Variants in ROCK2 observed in about 807,000 individuals in gnomAD.
The protein encoded by ROCK2 is rho-associated protein kinase 2.
ROCK2 carries 61 observed loss-of-function variants against 195.1 expected under a neutral mutation model. The ratio of observed to expected loss-of-function variants is 0.31; its 90% confidence interval spans 0.25 to 0.39. The LOEUF (loss-of-function observed/expected upper bound fraction) is 0.39. ROCK2 is among the 10% of genes least tolerant of loss of function. The probability of loss-of-function intolerance (pLI) is 1.00; values close to 1 mark genes in which losing one functional copy is unlikely to be tolerated. For missense variants in ROCK2, 1,109 were observed against 1,637.4 expected (o/e 0.68, Z 5.57); for synonymous variants, 504 against 545.5 (o/e 0.92, Z 1.06).
intron 6 of ROCK2, among the ~76,000 whole-genome samples, chr2:11,225,634 C>T (rs1397059632): frequency 6.6e-6 from 1 of 152,070 alleles, no homozygotes. Flanking sequence ...GCCTGGCAGT[C>T]GTGAGAATTT....
Position 11,192,701 on chromosome 2 carries a change from G to A in ROCK2, c.3699C>T (p.Ala1233=). The A allele has an allele frequency of 6.2e-7, 1 of 1,611,684 alleles. No homozygotes were observed. Among genetic ancestry groups the A allele is most frequent in the Non-Finnish European group, 8.5e-7 (1 of 1,179,146 alleles). Residue 1233 remains alanine (A), a synonymous_variant, in exon 31 of 33, where the codon GCC becomes GCT. Transcript: ENST00000315872. This position sits in a 1 kb window ranked among gnomAD's most constrained non-coding sequence, Gnocchi z 5.0. ...EIPRIFQILY[A]NEGESKKEQE... ...GTTCCTTCTTACTTTCTCCTTCATT[G>A]GCATACAGAATCTATGAATGCCAAA...
At chr2:11,315,271 C>A (rs1299251503) in intron 1 of ROCK2, among the ~76,000 whole-genome samples, 3 of 151,974 alleles carry the variant, frequency 2.0e-5, no homozygotes, top group African/African-American at 4.8e-5. Context: ...TGTCCAACAA[C>A]AAGGAATGGT....
In ROCK2 at chr2:11,211,771, C is replaced by T; in HGVS notation, c.2113G>A (p.Glu705Lys). The change falls in exon 18 of 33, where the codon GAA (glutamate) becomes AAA (lysine). Residue 705 changes from glutamate to lysine, a missense_variant. By Grantham distance (56) the Glu-to-Lys change is moderately conservative. Coordinates refer to ENST00000315872, the MANE Select transcript of ROCK2 (RefSeq NM_004850.5). ...KVIQQSLEQE[E>K]AEHKATKARL... ...GCCTTTGTGGCCTTATGTTCAGCTT[C>T]TTCTTGTTCTAGGCTCTGCTGTATA... The T allele has an allele frequency of 2.5e-6, 4 of 1,613,616 alleles. No individual in the cohort carries two copies. The highest frequency in any genetic ancestry group is 3.4e-6 in the Non-Finnish European group (4 of 1,179,770).
intron 3 of ROCK2, among the ~76,000 whole-genome samples, chr2:11,271,949 G>A (rs1303157825): frequency 6.6e-6 from 1 of 151,846 alleles, no homozygotes; most frequent in Non-Finnish European, 1.5e-5. Flanking sequence ...GAACCCGACA[G>A]GCGGAGCTTG....
intron 1 of ROCK2, among the ~76,000 whole-genome samples, chr2:11,317,576 T>TTATATATCTATATATATA (rs1668237737): frequency 3.7e-4 from 11 of 29,578 alleles, no homozygotes; most frequent in African/African-American, 1.4e-3. Flanking sequence ...ATCTACACAT[T>TTATATATCTATATATATA]TATATATATA....
intron 6 of ROCK2, 152 bp from the exon 7 acceptor site, chr2:11,224,612 A>C: frequency 1.5e-6 from 1 of 648,240 alleles, no homozygotes; most frequent in South Asian, 1.9e-5. Flanking sequence ...AACAACAGAC[A>C]TATTGTTATA....
In ROCK2 at chr2:11,202,103, A is replaced by G; in HGVS notation, c.2568T>C (p.Asp856=). 1 of 1,613,736 alleles carries G rather than the reference A, an allele frequency of 6.2e-7. No individual in the cohort carries two copies. Among genetic ancestry groups the G allele is most frequent in the Middle Eastern group, 1.7e-4 (1 of 6,060 alleles). The change falls in exon 21 of 33, where the codon GAT becomes GAC. Residue 856 remains aspartate (D), a synonymous_variant. Coordinates refer to ENST00000315872, the MANE Select transcript of ROCK2 (RefSeq NM_004850.5). ...GATCCTGGAGCTCTTTCATTTGCCC[A>G]TCTGCATCCTGACGTTCTCTGTGAG... ...AELRKERQDA[D]GQMKELQDQL...
chr2:11,328,832 C>CCA (rs1316509760), intron 1 of ROCK2, among the ~76,000 whole-genome samples: 1 of 151,320 alleles, frequency 6.6e-6, no homozygotes, highest in Admixed American at 6.6e-5. Context: ...AAACCAAACA[C>CCA]CACATGTTCT....
At chr2:11,291,196 TTGTC>T (rs1191927363) in intron 1 of ROCK2, among the ~76,000 whole-genome samples, 2 of 152,256 alleles carry the variant, frequency 1.3e-5, no homozygotes, top group Non-Finnish European at 2.9e-5. Flanking sequence ...TATACTTCAG[TTGTC>T]AAGAAATGAA....
intron 1 of ROCK2, among the ~76,000 whole-genome samples, chr2:11,295,975 AGAGAGAGAGAGAGAG>A (rs1558369483): frequency 5.6e-5 from 4 of 71,898 alleles, no homozygotes; most frequent in Non-Finnish European, 1.3e-4. Context: ...AAAGAGAGAG[AGAGAGAGAGAGAGAG>A]GAGAGAGAGA....
At position 11,344,236 on chromosome 2, in the gene ROCK2, AC is replaced by A; in HGVS notation, c.-101del. The A allele has an allele frequency of 7.7e-7, 1 of 1,300,034 alleles. No homozygotes were observed. Among genetic ancestry groups the A allele is most frequent in the Non-Finnish European group, 9.7e-7 (1 of 1,027,740 alleles). 80.5% of individuals were successfully genotyped at this position (1,300,034 alleles called of 1,614,324 possible). A position where few individuals can be genotyped will look rare whatever the true frequency, so the allele number is the denominator to read the frequency against. On this transcript the variant is annotated 5_prime_UTR_variant, in exon 1 of 33. Transcript: ENST00000315872. This position sits in a 1 kb window ranked among gnomAD's most constrained non-coding sequence, Gnocchi z 5.4. ...AACCACCAGCTCCGGCCGGGACTCC[AC>A]CCGGGCCCACCGCCTGCCTCTAGCT...
intron 3 of ROCK2, among the ~76,000 whole-genome samples, chr2:11,263,837 C>T (rs2148151339): frequency 6.6e-6 from 1 of 150,682 alleles, no homozygotes; most frequent in South Asian, 2.1e-4. Context: ...GGAAAAAGAT[C>T]CATTGAATAT....
intron 4 of ROCK2, among the ~76,000 whole-genome samples, chr2:11,236,470 T>C (rs144134031): frequency 4.0e-4 from 61 of 152,188 alleles, no homozygotes; most frequent in Non-Finnish European, 7.6e-4. Flanking sequence ...GGTAGCCATA[T>C]TTGGAAGACG....
At chr2:11,230,546 AG>A (rs1178169778) in intron 5 of ROCK2, among the ~76,000 whole-genome samples, 2 of 152,168 alleles carry the variant, frequency 1.3e-5, no homozygotes, top group Non-Finnish European at 2.9e-5. Context: ...AAAAGCAGGC[AG>A]GGGGTCGTAT....
intron 5 of ROCK2, among the ~76,000 whole-genome samples, chr2:11,233,506 G>A (rs977735372): frequency 3.3e-5 from 5 of 152,082 alleles, no homozygotes; most frequent in African/African-American, 1.2e-4. Flanking sequence ...TATATTTAGA[G>A]AACCCCCTGT....
At chr2:11,317,608 ATATATTT>A (rs1372715318) in intron 1 of ROCK2, among the ~76,000 whole-genome samples, 6 of 15,944 alleles carry the variant, frequency 3.8e-4, no homozygotes, top group African/African-American at 7.8e-4. Context: ...ATATATATAT[ATATATTT>A]TTTTTTTTTT....
At chr2:11,236,032 T>TA (rs1426466140) in intron 4 of ROCK2, 70 bp from the exon 5 acceptor site, 1 of 1,331,388 alleles carries the variant, frequency 7.5e-7, no homozygotes, top group Admixed American at 2.7e-5. Flanking sequence ...AACAAAAATT[T>TA]AAAAAACTAT....
At position 11,215,043 on chromosome 2, in the gene ROCK2, G is replaced by A. The variant is rs1415434255; in HGVS notation, c.1733C>T (p.Ala578Val). Residue 578 changes from alanine (A) to valine (V), a missense_variant, in exon 16 of 33, where the codon GCA (alanine) becomes GTA (valine). By Grantham distance (64) the Ala-to-Val change is moderately conservative. This residue lies in a region of ROCK2 where 542 missense variants were observed against 672.0 expected (regional missense o/e 0.81). Transcript: ENST00000315872. ...TGCCTGGGTTTTCCTTAACCGGGCT[G>A]CAGTATCAGACTCTGTTCGCAGTAA... Reference protein sequence around the residue: ...NALLRTESDTAARLRKTQAES... With the variant: ...NALLRTESDTVARLRKTQAES... 3 of 1,613,960 alleles carry A rather than the reference G, an allele frequency of 1.9e-6. No homozygotes were observed. In the African/African-American group the frequency reaches 4.0e-5, roughly 22 times the overall value.
chr2:11,326,888 G>T (rs1233406630), intron 1 of ROCK2, among the ~76,000 whole-genome samples: 1 of 152,198 alleles, frequency 6.6e-6, no homozygotes, highest in African/African-American at 2.4e-5. Flanking sequence ...CTTTTCATGG[G>T]TTCTGTTTTC....
Sources: allele counts gnomAD v4.1 joint callset (sites outside exome capture counted in the v4.1 genomes callset), GRCh38; gene constraint gnomAD v4.1.1; regional missense constraint gnomAD v4.1.1; non-coding constraint Gnocchi (gnomAD v3.1); transcripts MANE v1.5; gene names NCBI Gene and HGNC (gene_info 2026-07-23, HGNC 2026-07-21).